STK31: variants seen among roughly 807,000 people sequenced by gnomAD.
STK31 encodes the protein serine/threonine kinase 31, also known as serine/threonine-protein kinase 31.
Under a neutral mutation model 129.7 loss-of-function variants are expected in STK31, and 89 were observed. The observed-to-expected ratio is 0.69, with a 90% CI of 0.58 to 0.82. The LOEUF (loss-of-function observed/expected upper bound fraction) is 0.82, where lower values mean the gene tolerates loss of function less well. Ranked by LOEUF, STK31 falls within the 40% of genes least tolerant of loss-of-function variation. STK31 has a pLI of 0.00. For missense variants in STK31, 1,187 were observed against 1,176.4 expected (o/e 1.01, Z -0.13); for synonymous variants, 448 against 395.3 (o/e 1.13, Z -1.58).
At chr7:23,809,512 G>T (rs148030222) in intron 22 of STK31, among the ~76,000 whole-genome samples, 15 of 152,106 alleles carry the variant, frequency 9.9e-5, no homozygotes, top group African/African-American at 3.4e-4. Flanking sequence ...AATTGGTTTC[G>T]GGACCCCCAC....
chr7:23,779,134 T>A (rs1790746251), intron 15 of STK31, among the ~76,000 whole-genome samples: 1 of 152,212 alleles, frequency 6.6e-6, no homozygotes, highest in Non-Finnish European at 1.5e-5. Context: ...GGAAGTCCAT[T>A]GCAGACCCTG....
At chr7:23,758,789 C>T (rs1222790115) in intron 10 of STK31, among the ~76,000 whole-genome samples, 1 of 152,006 alleles carries the variant, frequency 6.6e-6, no homozygotes, top group Non-Finnish European at 1.5e-5. Flanking sequence ...TTTGAGTGAG[C>T]AATACTAACC....
chr7:23,766,278 T>C (rs1183006212), intron 11 of STK31, among the ~76,000 whole-genome samples: 1 of 152,234 alleles, frequency 6.6e-6, no homozygotes, highest in African/African-American at 2.4e-5. Context: ...TCTTTATTTA[T>C]TTGAGACAGA....
At chr7:23,729,668 T>G (rs960290098) in intron 6 of STK31, among the ~76,000 whole-genome samples, 10 of 151,988 alleles carry the variant, frequency 6.6e-5, no homozygotes, top group Admixed American at 2.0e-4. Context: ...TGCCACCATG[T>G]CCAGCTAATT....
At chr7:23,714,538 T>G (rs1786180581) in intron 3 of STK31, among the ~76,000 whole-genome samples, 2 of 152,238 alleles carry the variant, frequency 1.3e-5, no homozygotes, top group Admixed American at 1.3e-4. Flanking sequence ...TAACTCAATA[T>G]ATCCAAAATA....
At chr7:23,750,236 C>T (rs1204087320) in intron 8 of STK31, among the ~76,000 whole-genome samples, 3 of 152,204 alleles carry the variant, frequency 2.0e-5, no homozygotes, top group Admixed American at 6.5e-5. Flanking sequence ...CGTGCCCACA[C>T]CTAGTTTCCA....
chr7:23,710,440 G>C (rs1785869440), intron 1 of STK31, 105 bp downstream of exon 1: 1 of 1,586,710 alleles, frequency 6.3e-7, no homozygotes, highest in South Asian at 1.1e-5. Flanking sequence ...GCCCATTTCA[G>C]GGTTTTCTGT....
At chr7:23,757,465 A>T (rs1789163782) in intron 10 of STK31, among the ~76,000 whole-genome samples, 1 of 152,158 alleles carries the variant, frequency 6.6e-6, no homozygotes, top group Non-Finnish European at 1.5e-5. Flanking sequence ...GAGAGTCAGC[A>T]GGAAAACATG....
At chr7:23,716,385 C>T (rs903128455) in intron 3 of STK31, among the ~76,000 whole-genome samples, 3 of 152,156 alleles carry the variant, frequency 2.0e-5, no homozygotes, top group Non-Finnish European at 4.4e-5. Flanking sequence ...GGTAAGGTGG[C>T]AACTTCCAGG....
intron 6 of STK31, among the ~76,000 whole-genome samples, chr7:23,732,356 A>G (rs1787483904): frequency 6.6e-6 from 1 of 152,198 alleles, no homozygotes; most frequent in African/African-American, 2.4e-5. Context: ...CATAAGGGTT[A>G]GTGGAAAATA....
intron 22 of STK31, among the ~76,000 whole-genome samples, chr7:23,805,032 A>G (rs950882229): frequency 2.0e-5 from 3 of 151,630 alleles, no homozygotes; most frequent in African/African-American, 7.3e-5. Context: ...TAGATAAGCT[A>G]TGGCCTGCCA....
At chr7:23,780,259 G>A (rs773587310) in intron 15 of STK31, among the ~76,000 whole-genome samples, 1 of 152,160 alleles carries the variant, frequency 6.6e-6, no homozygotes, top group Non-Finnish European at 1.5e-5. Context: ...GCTGGGAGCT[G>A]CAGACCGGAG....
intron 17 of STK31, among the ~76,000 whole-genome samples, chr7:23,785,275 A>G (rs1476112391): frequency 1.3e-5 from 2 of 152,198 alleles, no homozygotes; most frequent in African/African-American, 4.8e-5. Flanking sequence ...AATTAAATGT[A>G]TGGTGATTAC....
intron 8 of STK31, among the ~76,000 whole-genome samples, chr7:23,751,911 C>T (rs1788734412): frequency 6.8e-6 from 1 of 147,340 alleles, no homozygotes; most frequent in African/African-American, 2.5e-5. Flanking sequence ...TTCGAAGTTC[C>T]TAGAGCAGTC....
intron 6 of STK31, among the ~76,000 whole-genome samples, chr7:23,732,162 T>A (rs1241242333): frequency 6.6e-6 from 1 of 151,838 alleles, no homozygotes; most frequent in Non-Finnish European, 1.5e-5. Context: ...TACAAAAAAA[T>A]TAGCTGGGCA....
intron 8 of STK31, among the ~76,000 whole-genome samples, chr7:23,749,403 C>T (rs6955603): frequency 0.25 from 36,484 of 144,460 alleles, 4,942 homozygotes; most frequent in East Asian, 0.4. Context: ...AATGCAGTGG[C>T]GTGATCTTGG....
chr7:23,772,236 T>A lies in STK31; in HGVS notation c.1923T>A (p.Ala641=). The A allele has an allele frequency of 2.5e-6, 4 of 1,608,958 alleles. No homozygotes were observed. Among genetic ancestry groups the A allele is most frequent in the Non-Finnish European group, 3.4e-6 (4 of 1,178,000 alleles). Residue 641 remains alanine, a synonymous_variant, in exon 15 of 24, where the codon GCT becomes GCA. Coordinates refer to ENST00000355870, the MANE Select transcript of STK31 (RefSeq NM_031414.5). ...SIKKTLKSLK[A]LLRWKLVEKS... ...AGAAGACATTGAAAAGCTTAAAAGC[T>A]CTACTCAGATGGAAATTGGTTGAAA...
At chr7:23,751,334 G>A (rs1050166160) in intron 8 of STK31, among the ~76,000 whole-genome samples, 2 of 152,242 alleles carry the variant, frequency 1.3e-5, no homozygotes, top group Non-Finnish European at 1.5e-5. Flanking sequence ...AGGAGTGCAT[G>A]TTAATTCCTT....
At chr7:23,831,996 G>A (rs1220494859) in intron 23 of STK31, 140 bp from the exon 24 acceptor site, 2 of 620,528 alleles carry the variant, frequency 3.2e-6, no homozygotes, top group Non-Finnish European at 5.7e-6. Flanking sequence ...TTTTGTTGAG[G>A]GGAGTACCAG....
Sources: gnomAD v4.1 joint callset for allele counts (sites outside exome capture counted in the v4.1 genomes callset) on GRCh38, gnomAD v4.1.1 for gene constraint, MANE v1.5 for transcripts, NCBI Gene and HGNC (gene_info 2026-07-23, HGNC 2026-07-21) for gene names.